Variants in PPP2CB observed in about 807,000 individuals in gnomAD.
The protein encoded by PPP2CB is serine/threonine-protein phosphatase 2A catalytic subunit beta isoform.
A neutral mutation model predicts 39.1 loss-of-function variants in PPP2CB; 18 were observed. The observed-to-expected ratio is 0.46, with a 90% CI of 0.32 to 0.68. The LOEUF is 0.68. Among genes scored for constraint, PPP2CB ranks in the 30% least tolerant of loss-of-function variants. PPP2CB has a pLI of 0.04. For missense variants in PPP2CB, 226 were observed against 396.9 expected (o/e 0.57, Z 3.66); for synonymous variants, 129 against 133.8 (o/e 0.96, Z 0.25).
chr8:30,796,527 T>A (rs935115190), intron 3 of PPP2CB, among the ~76,000 whole-genome samples: 1 of 152,138 alleles, frequency 6.6e-6, no homozygotes, highest in Admixed American at 6.5e-5. Flanking sequence ...GGACTGGGAC[T>A]ACAGGCATGC....
intron 5 of PPP2CB, among the ~76,000 whole-genome samples, chr8:30,791,899 T>C (rs1413542838): frequency 3.3e-5 from 5 of 151,258 alleles, no homozygotes; most frequent in Non-Finnish European, 2.9e-5. Context: ...TACATGTGTA[T>C]ATACATGTGT....
chr8:30,787,971 G>C (rs1273158186), intron 6 of PPP2CB, among the ~76,000 whole-genome samples: 2 of 152,158 alleles, frequency 1.3e-5, no homozygotes, highest in Non-Finnish European at 2.9e-5. Flanking sequence ...TACTGAATTT[G>C]CTGGCATATA....
chr8:30,806,297 G>A (rs1362108523), intron 1 of PPP2CB, among the ~76,000 whole-genome samples: 1 of 151,300 alleles, frequency 6.6e-6, no homozygotes, highest in African/African-American at 2.4e-5. Flanking sequence ...CTCATGATCC[G>A]CCTGCCTTGG....
chr8:30,790,842 C>A, intron 6 of PPP2CB: 1 of 172,942 alleles, frequency 5.8e-6, no homozygotes, highest in Admixed American at 6.2e-5. Context: ...CCTTAGCCTC[C>A]TGACTATACC....
Position 30,812,301 on chromosome 8 carries a change from GC to G in PPP2CB, c.102+18del. ...GTCCCAGCCCCGCGCTCCCGCACTC[GC>G]CCCCGCGGCGCCCTCACCTTCTCGC... On this transcript the variant is annotated intron_variant, in intron 1 of 6. Coordinates refer to ENST00000221138, the MANE Select transcript of PPP2CB (RefSeq NM_001009552.2). The G allele has an allele frequency of 2.7e-6, 4 of 1,488,072 alleles. No individual in the cohort carries two copies. Among genetic ancestry groups the G allele is most frequent in the Admixed American group, 1.9e-5 (1 of 52,664 alleles). The allele number at this position is 1,488,072 out of a possible 1,614,324, so 92.2% of individuals were successfully genotyped here.
At chr8:30,809,576 G>A (rs1214078774) in intron 1 of PPP2CB, among the ~76,000 whole-genome samples, 4 of 152,078 alleles carry the variant, frequency 2.6e-5, no homozygotes, top group Non-Finnish European at 5.9e-5. Context: ...TCCATCAATG[G>A]GGGTAGAGAA....
chr8:30,804,225 T>C (rs1189510869), intron 1 of PPP2CB, among the ~76,000 whole-genome samples: 2 of 152,240 alleles, frequency 1.3e-5, no homozygotes, highest in Admixed American at 1.3e-4. Context: ...CCTTGTTTTC[T>C]TCATGTATTT....
At chr8:30,800,973 G>A (rs1360839275) in intron 1 of PPP2CB, among the ~76,000 whole-genome samples, 3 of 152,054 alleles carry the variant, frequency 2.0e-5, no homozygotes, top group Non-Finnish European at 2.9e-5. Context: ...TTGGGAGGCC[G>A]AGGGGGGAGG....
chr8:30,806,523 T>C (rs1490056628), intron 1 of PPP2CB, among the ~76,000 whole-genome samples: 1 of 152,142 alleles, frequency 6.6e-6, no homozygotes, highest in Non-Finnish European at 1.5e-5. Context: ...TTCAAAACAA[T>C]AAAAAATTTC....
rs1806866707 is a variant in PPP2CB, at chr8:30,812,732, G to A, written c.-311C>T. 8.4e-6 allele frequency: 4 copies of A among 478,142 alleles called. No individual in the cohort carries two copies. 29.6% of individuals were successfully genotyped at this position (478,142 alleles called of 1,614,324 possible). On this transcript the variant is annotated 5_prime_UTR_variant, in exon 1 of 7. Coordinates refer to ENST00000221138, the MANE Select transcript of PPP2CB (RefSeq NM_001009552.2). ...GAGCGCGGCGCGGGTCCTCGGCCTA[G>A]CTCTCGCCGGACGAAGGCCGCCCGC...
In PPP2CB at chr8:30,812,308, C is replaced by A. The variant is rs772323147; in HGVS notation, c.102+12G>T. 4.0e-6 allele frequency: 6 copies of A among 1,506,570 alleles called. No homozygotes were observed. The Admixed American group carries it at 9.3e-5, about 23-fold the overall frequency. The allele number at this position is 1,506,570 out of a possible 1,614,324, so 93.3% of individuals were successfully genotyped here. A position where few individuals can be genotyped will look rare whatever the true frequency, so the allele number is the denominator to read the frequency against. ...CCCCGCGCTCCCGCACTCGCCCCCG[C>A]GGCGCCCTCACCTTCTCGCACAGCG... On this transcript the variant is annotated intron_variant, in intron 1 of 6. Transcript: ENST00000221138.
In PPP2CB at chr8:30,801,609, G is replaced by C. The variant is rs193191564; in HGVS notation, c.103-1854C>G. ...TGACAGCTTAGACTGGTGGGGGAGAGAGCACAATTTTAGGGACAGACAGTT... is the reference window on the plus strand; with the variant it reads ...TGACAGCTTAGACTGGTGGGGGAGACAGCACAATTTTAGGGACAGACAGTT... On this transcript the variant is annotated intron_variant, in intron 1 of 6. Transcript: ENST00000221138. Among the ~76,000 whole-genome samples the C allele has an allele frequency of 1.4e-4, 22 of 152,010 alleles. No individual in the cohort carries two copies. In the East Asian group the frequency reaches 3.3e-3, roughly 23 times the overall value.
intron 4 of PPP2CB, 39 bp downstream of exon 4, chr8:30,794,153 T>C (rs2128760874): frequency 6.2e-7 from 1 of 1,607,818 alleles, no homozygotes; most frequent in Middle Eastern, 1.7e-4. Context: ...GTGGTTATAT[T>C]TTCTTTTCCT....
intron 1 of PPP2CB, among the ~76,000 whole-genome samples, chr8:30,803,822 T>G (rs1403803890): frequency 6.6e-6 from 1 of 151,582 alleles, no homozygotes; most frequent in South Asian, 2.1e-4. Flanking sequence ...AAATACAATT[T>G]TTTTTTTTTT....
chr8:30,798,838 C>T (rs1201493331), intron 2 of PPP2CB, among the ~76,000 whole-genome samples: 1 of 152,128 alleles, frequency 6.6e-6, no homozygotes, highest in Non-Finnish European at 1.5e-5. Flanking sequence ...TTGAAGGTTA[C>T]ATGGAGGAAG....
At chr8:30,792,740 G>A (rs1486010486) in intron 5 of PPP2CB, among the ~76,000 whole-genome samples, 4 of 151,956 alleles carry the variant, frequency 2.6e-5, no homozygotes, top group African/African-American at 7.3e-5. Flanking sequence ...ATAGGCATGA[G>A]CCACTTTGTC....
intron 3 of PPP2CB, among the ~76,000 whole-genome samples, chr8:30,794,952 C>CT (rs942173880): frequency 6.6e-6 from 1 of 152,028 alleles, no homozygotes; most frequent in Non-Finnish European, 1.5e-5. Context: ...CGTTTTAATT[C>CT]TTTTTATTGC....
intron 3 of PPP2CB, among the ~76,000 whole-genome samples, chr8:30,797,031 T>G (rs1806538935): frequency 1.3e-5 from 2 of 151,296 alleles, no homozygotes; most frequent in African/African-American, 4.9e-5. Flanking sequence ...TTTTTTTTTG[T>G]AGAGACAGGG....
chr8:30,808,725 T>C (rs1319084272), intron 1 of PPP2CB, among the ~76,000 whole-genome samples: 1 of 152,158 alleles, frequency 6.6e-6, no homozygotes, highest in East Asian at 1.9e-4. Context: ...CAGGCACCAC[T>C]ACTTTTCAGG....
Sources: gnomAD v4.1 joint callset for allele counts (sites outside exome capture counted in the v4.1 genomes callset) on GRCh38, gnomAD v4.1.1 for gene constraint, MANE v1.5 for transcripts, NCBI Gene and HGNC (gene_info 2026-07-23, HGNC 2026-07-21) for gene names.